The following PDE5A variants were observed in gnomAD, a reference collection of about 807,000 sequenced individuals.
PDE5A encodes the protein cGMP-specific 3',5'-cyclic phosphodiesterase.
Under a neutral mutation model 110.2 loss-of-function variants are expected in PDE5A, and 67 were observed. The observed-to-expected ratio is 0.61, with a 90% CI of 0.50 to 0.75. The LOEUF is 0.75. Ranked by LOEUF, PDE5A falls within the 30% of genes least tolerant of loss-of-function variation. The pLI is 0.00. For missense variants in PDE5A, 862 were observed against 1,045.1 expected, an observed-to-expected ratio of 0.82 and a Z score of 2.42; for synonymous variants, 328 against 351.2, an observed-to-expected ratio of 0.93 and a Z score of 0.74.
In PDE5A at chr4:119,525,421, G is replaced by C; in HGVS notation, c.1779+128C>G. On this transcript the variant is annotated intron_variant, in intron 12 of 20. Coordinates refer to ENST00000354960, the MANE Select transcript of PDE5A (RefSeq NM_001083.4). The surrounding 1 kb of genome is among the most constrained non-coding windows in gnomAD (Gnocchi z 4.3). The stretch of plus-strand genomic sequence containing the variant: ...TTTAAAAGTCTCGGGTATATATTAG[G>C]TGACAGTATATTAATCACTAAAATG... 2 of 800,882 alleles carry C rather than the reference G, an allele frequency of 2.5e-6. No homozygotes were observed. The highest frequency in any genetic ancestry group is 3.8e-6 in the Non-Finnish European group (2 of 527,940). The allele number at this position is 800,882 out of a possible 1,614,324, so 49.6% of individuals were successfully genotyped here.
At chr4:119,620,753 T>C (rs1414648292) in intron 1 of PDE5A, among the ~76,000 whole-genome samples, 1 of 152,226 alleles carries the variant, frequency 6.6e-6, no homozygotes, top group African/African-American at 2.4e-5. Context: ...TACCAACTAC[T>C]GCCCTGCAAT....
At chr4:119,530,658 G>A (rs1156681943) in intron 11 of PDE5A, among the ~76,000 whole-genome samples, 1 of 151,636 alleles carries the variant, frequency 6.6e-6, no homozygotes, top group Non-Finnish European at 1.5e-5. Flanking sequence ...GTTATATTTG[G>A]AGCACCTAAT....
chr4:119,596,707 A>G (rs2110537521), intron 2 of PDE5A, 95 bp from the exon 3 acceptor site: 3 of 626,832 alleles, frequency 4.8e-6, no homozygotes, highest in Admixed American at 3.0e-5. Flanking sequence ...CTAACCTTGG[A>G]CTTACCTTGT....
Position 119,513,300 on chromosome 4 carries a change from G to A in PDE5A, c.2001-2166C>T, listed in dbSNP as rs546464440. On this transcript the variant is annotated intron_variant, in intron 14 of 20. Coordinates refer to ENST00000354960, the MANE Select transcript of PDE5A (RefSeq NM_001083.4). The stretch of plus-strand genomic sequence containing the variant: ...CTGTGGACCACCTTGGACCAGGGGG[G>A]TACAAAGACCTAGGGACAACTGCCT... Among the ~76,000 whole-genome samples the A allele has an allele frequency of 6.6e-5, 10 of 152,202 alleles. No homozygotes were observed. In the South Asian group the frequency reaches 1.9e-3, roughly 28 times the overall value.
intron 11 of PDE5A, among the ~76,000 whole-genome samples, chr4:119,537,133 C>A (rs534360863): frequency 6.6e-6 from 1 of 152,196 alleles, no homozygotes; most frequent in East Asian, 1.9e-4. Context: ...CCTGTGCCTC[C>A]GCCTTTGCCT....
chr4:119,547,681 CTT>C (rs1220381610), intron 9 of PDE5A, among the ~76,000 whole-genome samples: 1 of 151,874 alleles, frequency 6.6e-6, no homozygotes, highest in Non-Finnish European at 1.5e-5. Flanking sequence ...TTAATTATGA[CTT>C]TTGATTTCTT....
At chr4:119,516,653 C>T (rs191708472) in intron 14 of PDE5A, among the ~76,000 whole-genome samples, 9 of 152,150 alleles carry the variant, frequency 5.9e-5, no homozygotes, top group Admixed American at 6.5e-5. Context: ...GAGTCTCGCT[C>T]TGCTGCCCAG....
At chr4:119,600,214 C>T (rs575757092) in intron 2 of PDE5A, among the ~76,000 whole-genome samples, 1 of 151,572 alleles carries the variant, frequency 6.6e-6, no homozygotes, top group African/African-American at 2.4e-5. Context: ...AGTAAGGAAG[C>T]CTAGTCTTTC....
intron 2 of PDE5A, among the ~76,000 whole-genome samples, chr4:119,601,537 A>G (rs570845179): frequency 6.6e-6 from 1 of 151,940 alleles, no homozygotes; most frequent in South Asian, 2.1e-4. Flanking sequence ...AACTGTAATC[A>G]TAAGTGTAGT....
chr4:119,498,999 T>C (rs1398968299), intron 20 of PDE5A, among the ~76,000 whole-genome samples: 2 of 152,250 alleles, frequency 1.3e-5, no homozygotes, highest in African/African-American at 4.8e-5. Context: ...GACAGATCTG[T>C]GTGGAATCCA....
At chr4:119,530,483 A>G (rs1302268222) in intron 11 of PDE5A, among the ~76,000 whole-genome samples, 1 of 152,138 alleles carries the variant, frequency 6.6e-6, no homozygotes, top group Non-Finnish European at 1.5e-5. Flanking sequence ...AATGAAATTG[A>G]GACATATGAA....
At chr4:119,610,846 T>C (rs1729715953) in intron 1 of PDE5A, among the ~76,000 whole-genome samples, 1 of 152,170 alleles carries the variant, frequency 6.6e-6, no homozygotes, top group Non-Finnish European at 1.5e-5. Context: ...AGTTGGATTG[T>C]TGCCATAGTC....
chr4:119,560,462 A>G, intron 6 of PDE5A, 99 bp from the exon 7 acceptor site: 1 of 589,898 alleles, frequency 1.7e-6, no homozygotes, highest in Non-Finnish European at 2.9e-6. Flanking sequence ...AAAGACCCCA[A>G]TACTTGTAGT....
rs1560589966 is a variant in PDE5A, at chr4:119,497,855, C to G, written c.*746G>C. 2 of 152,168 alleles carry G rather than the reference C, an allele frequency of 1.3e-5. No individual in the cohort carries two copies. The highest frequency in any genetic ancestry group is 4.1e-4 in the South Asian group (2 of 4,832). 9.4% of individuals were successfully genotyped at this position (152,168 alleles called of 1,614,324 possible). ...TTCTAAATCACACTTATCCCTCAATCAAGTCAGTGACTGGATCATCTCCTA... is the reference window on the plus strand; with the variant it reads ...TTCTAAATCACACTTATCCCTCAATGAAGTCAGTGACTGGATCATCTCCTA... On this transcript the variant is annotated 3_prime_UTR_variant, in exon 21 of 21. Transcript: ENST00000354960.
chr4:119,579,380 A>T (rs933035490), intron 3 of PDE5A, among the ~76,000 whole-genome samples: 19 of 152,234 alleles, frequency 1.2e-4, no homozygotes, highest in Admixed American at 2.6e-4. Context: ...CTGTAAAGAC[A>T]CATGCACACA....
chr4:119,600,105 G>A (rs889784824), intron 2 of PDE5A, among the ~76,000 whole-genome samples: 5 of 152,010 alleles, frequency 3.3e-5, no homozygotes, highest in African/African-American at 1.2e-4. Flanking sequence ...ACTATAAGAA[G>A]TGCGAAAGGA....
chr4:119,546,712 C>T lies in PDE5A; in HGVS notation c.1397-4078G>A, dbSNP rs187118271. ...ATCTAATCTGGGAGACTTGATATCT[C>T]GTAAACTAGATTTTAATCATTTCAG... On this transcript the variant is annotated intron_variant, in intron 9 of 20. Transcript: ENST00000354960. Among the ~76,000 whole-genome samples the T allele has an allele frequency of 1.0e-3, 144 of 137,948 alleles. 1 individual carries two copies. The highest frequency in any genetic ancestry group is 3.2e-3 in the African/African-American group (120 of 37,336). 90.5% of individuals were successfully genotyped at this position (137,948 alleles called of 152,430 possible).
At chr4:119,591,303 A>C (rs979449678) in intron 3 of PDE5A, among the ~76,000 whole-genome samples, 1 of 152,204 alleles carries the variant, frequency 6.6e-6, no homozygotes, top group Non-Finnish European at 1.5e-5. Context: ...AACTACGTTA[A>C]ACCCTTCACT....
chr4:119,554,450 CA>C (rs1227714819), intron 7 of PDE5A, among the ~76,000 whole-genome samples: 1 of 152,040 alleles, frequency 6.6e-6, no homozygotes, highest in African/African-American at 2.4e-5. Context: ...AATCTGATGC[CA>C]GGGGGTACAG....
Sources: gnomAD v4.1 joint callset for allele counts (sites outside exome capture counted in the v4.1 genomes callset) on GRCh38, gnomAD v4.1.1 for gene constraint, Gnocchi (gnomAD v3.1) non-coding constraint, MANE v1.5 for transcripts, NCBI Gene and HGNC (gene_info 2026-07-23, HGNC 2026-07-21) for gene names.